Variants in BMERB1 observed in about 807,000 individuals in gnomAD.
The protein encoded by BMERB1 is bMERB domain-containing protein 1.
In BMERB1, 12 loss-of-function variants were observed where a neutral mutation model predicts 23.6. The observed-to-expected ratio is 0.51, with a 90% CI of 0.33 to 0.82. The LOEUF (loss-of-function observed/expected upper bound fraction) is 0.82, where lower values mean the gene tolerates loss of function less well. BMERB1 is among the 40% of genes least tolerant of loss of function. BMERB1 has a pLI of 0.03. For synonymous variants in BMERB1, 122 were observed against 96.6 expected (o/e 1.26, Z -1.54); for missense variants, 247 against 255.4 (o/e 0.97, Z 0.22).
intron 1 of BMERB1, among the ~76,000 whole-genome samples, chr16:15,505,845 G>T (rs947280399): frequency 8.8e-5 from 13 of 148,070 alleles, no homozygotes; most frequent in African/African-American, 3.3e-4. Flanking sequence ...CCAAGATCAC[G>T]CCACTGCACT....
chr16:15,517,002 A>G (rs1191185583), intron 2 of BMERB1, among the ~76,000 whole-genome samples: 2 of 152,168 alleles, frequency 1.3e-5, no homozygotes, highest in Non-Finnish European at 2.9e-5. Flanking sequence ...AATGAACTGC[A>G]GTATTCACAG....
At chr16:15,540,728 A>T (rs554331669) in intron 2 of BMERB1, among the ~76,000 whole-genome samples, 1 of 152,330 alleles carries the variant, frequency 6.6e-6, no homozygotes, top group South Asian at 2.1e-4. Context: ...TAGCAGTTAC[A>T]GTCACAGACT....
At position 15,557,311 on chromosome 16, in the gene BMERB1, CAGCCCTAATGGTA is replaced by C. The variant is rs574956859; in HGVS notation, c.231-10671_231-10659del. ...AGCAGCAGAGTTTGATTTCCAGGTTCAGCCCTAATGGTACAGAGACCTGGACTAATGTGGCTTA... is the reference window on the plus strand; with the variant it reads ...AGCAGCAGAGTTTGATTTCCAGGTTCCAGAGACCTGGACTAATGTGGCTTA... On this transcript the variant is annotated intron_variant, in intron 2 of 5. Coordinates refer to ENST00000300006, the MANE Select transcript of BMERB1 (RefSeq NM_033201.3). Among the ~76,000 whole-genome samples, 748 of 152,322 alleles carry C rather than the reference CAGCCCTAATGGTA, an allele frequency of 4.9e-3. 4 individuals are homozygous for C. Among genetic ancestry groups the C allele is most frequent in the Middle Eastern group, 0.02 (6 of 294 alleles).
intron 3 of BMERB1, among the ~76,000 whole-genome samples, chr16:15,570,396 T>C (rs1222032398): frequency 6.6e-6 from 1 of 152,156 alleles, no homozygotes; most frequent in Non-Finnish European, 1.5e-5. Context: ...CTTCAACTAT[T>C]GACATTTGGG....
At chr16:15,586,472 G>A (rs759586123) in intron 5 of BMERB1, among the ~76,000 whole-genome samples, 6 of 152,174 alleles carry the variant, frequency 3.9e-5, no homozygotes, top group Non-Finnish European at 8.8e-5. Flanking sequence ...CTAGGAGAAG[G>A]GCTGAAAGTT....
intron 1 of BMERB1, among the ~76,000 whole-genome samples, chr16:15,503,959 G>A (rs1361361333): frequency 6.6e-6 from 1 of 152,106 alleles, no homozygotes; most frequent in African/African-American, 2.4e-5. Context: ...CTTAGAGCAG[G>A]GTCTGCCACG....
intron 1 of BMERB1, among the ~76,000 whole-genome samples, chr16:15,453,143 AC>A (rs1220544849): frequency 6.6e-6 from 1 of 152,080 alleles, no homozygotes; most frequent in African/African-American, 2.4e-5. Context: ...CTGCACAACT[AC>A]CTGGGCAACA....
At chr16:15,520,868 A>G (rs896474837) in intron 2 of BMERB1, among the ~76,000 whole-genome samples, 2 of 152,094 alleles carry the variant, frequency 1.3e-5, no homozygotes, top group African/African-American at 4.8e-5. Context: ...TATCTGAGTT[A>G]TTTCCTCAGG....
At chr16:15,568,316 G>A (rs1329771534) in intron 3 of BMERB1, among the ~76,000 whole-genome samples, 2 of 152,178 alleles carry the variant, frequency 1.3e-5, no homozygotes, top group Non-Finnish European at 1.5e-5. Context: ...GCTAGTAATA[G>A]TAAGAGGGTC....
chr16:15,540,400 C>T (rs964251309), intron 2 of BMERB1, among the ~76,000 whole-genome samples: 5 of 148,924 alleles, frequency 3.4e-5, no homozygotes, highest in African/African-American at 1.2e-4. Flanking sequence ...GTGGCATGCA[C>T]CTATAATCCA....
chr16:15,468,144 T>C lies in BMERB1; in HGVS notation c.106+33385T>C, dbSNP rs1221287703. On this transcript the variant is annotated intron_variant, in intron 1 of 5. Transcript: ENST00000300006. Reference sequence around the variant, plus strand: ...TTCTTTCTTTCTTCTTCTTTTTTTTTTTTTTTTTTTTTTTTTTTTGAGGCA... The same window carrying C: ...TTCTTTCTTTCTTCTTCTTTTTTTTCTTTTTTTTTTTTTTTTTTTGAGGCA... Among the ~76,000 whole-genome samples, 45 of 74,950 alleles carry C rather than the reference T, an allele frequency of 6.0e-4. 1 individual carries two copies. The highest frequency in any genetic ancestry group is 1.9e-3 in the African/African-American group (41 of 21,122). The allele number at this position is 74,950 out of a possible 152,430, so 49.2% of individuals were successfully genotyped here.
intron 1 of BMERB1, among the ~76,000 whole-genome samples, chr16:15,497,649 T>C (rs1362100515): frequency 3.3e-5 from 5 of 152,202 alleles, no homozygotes; most frequent in African/African-American, 1.2e-4. Flanking sequence ...AGACACAGAT[T>C]GGCATTTTTT....
At chr16:15,545,172 C>T (rs2052121741) in intron 2 of BMERB1, among the ~76,000 whole-genome samples, 1 of 152,060 alleles carries the variant, frequency 6.6e-6, no homozygotes, top group Admixed American at 6.6e-5. Flanking sequence ...GGGGTTTCAC[C>T]ATGTTGGCCA....
chr16:15,495,406 C>T (rs567687825), intron 1 of BMERB1, among the ~76,000 whole-genome samples: 1 of 151,938 alleles, frequency 6.6e-6, no homozygotes, highest in South Asian at 2.1e-4. Context: ...CGCTCTGTCA[C>T]CCAGGCTGGA....
intron 1 of BMERB1, among the ~76,000 whole-genome samples, chr16:15,494,877 CTTTTTTTTTTT>C (rs754135430): frequency 2.1e-5 from 2 of 95,176 alleles, no homozygotes. Context: ...TTTTTTTTAT[CTTTTTTTTTTT>C]TTTTTTTTTT....
At chr16:15,531,166 C>T (rs1162502898) in intron 2 of BMERB1, among the ~76,000 whole-genome samples, 8 of 152,232 alleles carry the variant, frequency 5.3e-5, no homozygotes, top group Non-Finnish European at 2.9e-5. Context: ...CTCAGCCTCC[C>T]AAAGTGTTGG....
At chr16:15,447,296 C>CA (rs2050998447) in intron 1 of BMERB1, among the ~76,000 whole-genome samples, 2 of 152,178 alleles carry the variant, frequency 1.3e-5, no homozygotes, top group Non-Finnish European at 2.9e-5. Context: ...GAGAAGCAAG[C>CA]ACCTTCTTCA....
rs71152431 is a variant in BMERB1, at chr16:15,462,137, CTTTTTTTTTTTTTTTTTTT to C, written c.106+27392_106+27410del. Among the ~76,000 whole-genome samples the C allele has an allele frequency of 1.4e-3, 81 of 56,946 alleles. No homozygotes were observed. The Admixed American group carries it at 0.022, about 16-fold the overall frequency. 37.4% of individuals were successfully genotyped at this position (56,946 alleles called of 152,430 possible). A position where few individuals can be genotyped will look rare whatever the true frequency, so the allele number is the denominator to read the frequency against. ...ATTCAAAGTTAACTGGATGTCCTGC[CTTTTTTTTTTTTTTTTTTT>C]TTTTTTTTTTTTTGAGGTGGAGCGT... On this transcript the variant is annotated intron_variant, in intron 1 of 5. Coordinates refer to ENST00000300006, the MANE Select transcript of BMERB1 (RefSeq NM_033201.3).
intron 3 of BMERB1, among the ~76,000 whole-genome samples, 173 bp downstream of exon 3, chr16:15,568,229 G>A (rs575471866): frequency 1.3e-5 from 2 of 152,236 alleles, no homozygotes; most frequent in African/African-American, 4.8e-5. Context: ...AAGTCCTAGT[G>A]AATTCTGGTC....
Sources: gnomAD v4.1 joint callset for allele counts (sites outside exome capture counted in the v4.1 genomes callset) on GRCh38, gnomAD v4.1.1 for gene constraint, MANE v1.5 for transcripts, NCBI Gene and HGNC (gene_info 2026-07-23, HGNC 2026-07-21) for gene names.